RABEP1: variants seen among roughly 807,000 people sequenced by gnomAD.
The protein encoded by RABEP1 is rabaptin, RAB GTPase binding effector protein 1.
A neutral mutation model predicts 123.4 loss-of-function variants in RABEP1; 51 were observed. That is an observed-to-expected ratio of 0.41 (90% CI 0.33 to 0.52). The LOEUF (loss-of-function observed/expected upper bound fraction) is 0.52, where lower values mean the gene tolerates loss of function less well. RABEP1 is among the 20% of genes least tolerant of loss of function. The pLI is 0.16. For missense variants in RABEP1, 888 were observed against 996.3 expected, an observed-to-expected ratio of 0.89 and a Z score of 1.46; for synonymous variants, 347 against 355.2, an observed-to-expected ratio of 0.98 and a Z score of 0.26.
At chr17:5,364,751 G>C (rs527263868) in intron 10 of RABEP1, among the ~76,000 whole-genome samples, 6 of 151,848 alleles carry the variant, frequency 4.0e-5, no homozygotes, top group East Asian at 1.9e-4. Context: ...GACTTTGAGA[G>C]GCATTTAGAG....
intron 2 of RABEP1, among the ~76,000 whole-genome samples, chr17:5,329,019 CTTTTTTTTT>C (rs760060600): frequency 1.6e-4 from 18 of 110,658 alleles, no homozygotes; most frequent in South Asian, 9.1e-4. Context: ...TTCAGAAAGA[CTTTTTTTTT>C]TTTTTTTTTT....
At chr17:5,367,419 C>A (rs78165989) in intron 11 of RABEP1, among the ~76,000 whole-genome samples, 6,107 of 151,644 alleles carry the variant, frequency 0.04, 162 homozygotes, top group Non-Finnish European at 0.062. Context: ...CTACAGGCAC[C>A]CGCCACCACG....
chr17:5,337,355 T>A (rs1402013258), intron 4 of RABEP1, among the ~76,000 whole-genome samples: 1 of 152,190 alleles, frequency 6.6e-6, no homozygotes, highest in Non-Finnish European at 1.5e-5. Flanking sequence ...TAAGAAATTA[T>A]TGTCTCATGA....
At chr17:5,327,948 G>A (rs1262889942) in intron 2 of RABEP1, among the ~76,000 whole-genome samples, 2 of 152,096 alleles carry the variant, frequency 1.3e-5, no homozygotes, top group East Asian at 1.9e-4. Context: ...CAATGAGAAC[G>A]TCTATACAGA....
intron 12 of RABEP1, among the ~76,000 whole-genome samples, chr17:5,370,490 T>C (rs1435638318): frequency 6.6e-6 from 1 of 152,238 alleles, no homozygotes; most frequent in Non-Finnish European, 1.5e-5. Context: ...TTTCATCTTG[T>C]TGCCATGTCG....
intron 11 of RABEP1, among the ~76,000 whole-genome samples, chr17:5,366,148 T>A (rs1445375200): frequency 6.6e-6 from 1 of 152,176 alleles, no homozygotes; most frequent in Non-Finnish European, 1.5e-5. Flanking sequence ...TGGAAAAATG[T>A]CATTTTGTTA....
In RABEP1 at chr17:5,365,219, G is replaced by C; in HGVS notation, c.1766G>C (p.Ser589Thr). ...QELEDFIKQS[S>T]EDSSHQISAL... ...CTGGAAGACTTCATAAAGCAAAGCA[G>C]CGAAGATTCGAGTCACCAGGTAAGG... Residue 589 changes from serine (S) to threonine (T), a missense_variant, in exon 11 of 18, where the codon AGC becomes ACC. By Grantham distance (58) the Ser-to-Thr change is moderately conservative (BLOSUM62 1). Transcript: ENST00000537505. The C allele has an allele frequency of 6.2e-7, 1 of 1,608,500 alleles. No individual in the cohort carries two copies. Among genetic ancestry groups the C allele is most frequent in the South Asian group, 1.1e-5 (1 of 90,066 alleles).
At chr17:5,315,419 A>G (rs1395193260) in intron 2 of RABEP1, among the ~76,000 whole-genome samples, 2 of 152,242 alleles carry the variant, frequency 1.3e-5, no homozygotes, top group Non-Finnish European at 2.9e-5. Flanking sequence ...AGAGCCTTCA[A>G]CACACATCTG....
intron 7 of RABEP1, among the ~76,000 whole-genome samples, chr17:5,352,607 G>T (rs1420663935): frequency 2.6e-5 from 4 of 151,066 alleles, no homozygotes; most frequent in African/African-American, 7.3e-5. Context: ...GAGGTGGGTG[G>T]ATCACCTCAG....
intron 1 of RABEP1, among the ~76,000 whole-genome samples, chr17:5,307,541 T>C (rs2144517625): frequency 6.6e-6 from 1 of 152,350 alleles, no homozygotes; most frequent in East Asian, 1.9e-4. Context: ...CTTGGCCCTC[T>C]GCTGGCCTAA....
chr17:5,294,361 G>A (rs2075060617), intron 1 of RABEP1, among the ~76,000 whole-genome samples: 1 of 152,012 alleles, frequency 6.6e-6, no homozygotes, highest in Admixed American at 6.6e-5. Context: ...TCCAGCCTGG[G>A]TGACAGTGAG....
At chr17:5,303,172 G>A (rs535761037) in intron 1 of RABEP1, among the ~76,000 whole-genome samples, 1 of 151,876 alleles carries the variant, frequency 6.6e-6, no homozygotes, top group Non-Finnish European at 1.5e-5. Flanking sequence ...TTTCTGGCTT[G>A]GTATTACTTC....
In RABEP1 at chr17:5,353,157, A is replaced by G. The variant is rs188585310; in HGVS notation, c.964-1202A>G. On this transcript the variant is annotated intron_variant, in intron 7 of 17. Transcript: ENST00000537505. ...TCATGTGCCTGCCCATTTTTCATCC[A>G]TATAACATTACACAGAACTCCTCCA... is the stretch of plus-strand genomic sequence containing the variant. 1.5e-4 allele frequency among the ~76,000 whole-genome samples: 23 copies of G among 152,192 alleles called. 1 individual carries two copies. The East Asian group carries it at 3.5e-3, about 23-fold the overall frequency.
chr17:5,306,073 T>TG (rs2075176936), intron 1 of RABEP1, among the ~76,000 whole-genome samples: 1 of 152,172 alleles, frequency 6.6e-6, no homozygotes, highest in Non-Finnish European at 1.5e-5. Flanking sequence ...CGACTTACCA[T>TG]GGGGCTATAT....
At chr17:5,382,116 C>G (rs902263918) in intron 17 of RABEP1, among the ~76,000 whole-genome samples, 11 of 148,468 alleles carry the variant, frequency 7.4e-5, no homozygotes, top group African/African-American at 2.7e-4. Flanking sequence ...GAGTCATGCT[C>G]TGTTGCCCAG....
rs774026827 is a variant in RABEP1 at position 5,308,682 on chromosome 17, T to G, written c.35-12T>G. On this transcript the variant is annotated splice_polypyrimidine_tract_variant and intron_variant, in intron 1 of 17. Transcript: ENST00000537505. ...AAGTTATTACTTGTTAACTAGTGTT[T>G]TTTTCCCCCAGTTTCTCTTCAGCAA... is the stretch of plus-strand genomic sequence containing the variant. The G allele has an allele frequency of 6.2e-7, 1 of 1,602,540 alleles. No homozygotes were observed. Among genetic ancestry groups the G allele is most frequent in the Non-Finnish European group, 8.5e-7 (1 of 1,176,298 alleles).
At chr17:5,321,728 A>G (rs2075356868) in intron 2 of RABEP1, among the ~76,000 whole-genome samples, 1 of 152,228 alleles carries the variant, frequency 6.6e-6, no homozygotes, top group Non-Finnish European at 1.5e-5. Flanking sequence ...AGGAGTAAGT[A>G]AGTACACCTA....
rs116113743 is a variant in RABEP1, at chr17:5,348,276, G to C, written c.784+1351G>C. 5.5e-3 allele frequency among the ~76,000 whole-genome samples: 837 copies of C among 152,344 alleles called. 7 individuals are homozygous for C. Among genetic ancestry groups the C allele is most frequent in the African/African-American group, 0.019 (778 of 41,574 alleles). On this transcript the variant is annotated intron_variant, in intron 6 of 17. Coordinates refer to ENST00000537505, the MANE Select transcript of RABEP1 (RefSeq NM_004703.6). ...TTACAGGCGTGAGCCACCACGCCCA[G>C]CCCAGATAGGCTTCTTAAAAGAAGT...
At chr17:5,300,309 G>T (rs2075124613) in intron 1 of RABEP1, among the ~76,000 whole-genome samples, 1 of 152,134 alleles carries the variant, frequency 6.6e-6, no homozygotes, top group African/African-American at 2.4e-5. Context: ...GTACTGGTCA[G>T]GTATTTTGCA....
Sources: allele counts gnomAD v4.1 joint callset (sites outside exome capture counted in the v4.1 genomes callset), GRCh38; gene constraint gnomAD v4.1.1; transcripts MANE v1.5; gene names NCBI Gene and HGNC (gene_info 2026-07-23, HGNC 2026-07-21).